The following AGK variants were observed in gnomAD, a reference collection of about 807,000 sequenced individuals.
AGK encodes the protein acylglycerol kinase, mitochondrial.
Under a neutral mutation model 66.4 loss-of-function variants are expected in AGK, and 52 were observed. The observed-to-expected ratio is 0.78, with a 90% confidence interval of 0.63 to 0.99. AGK has a LOEUF of 0.99. Ranked by LOEUF, AGK falls within the 50% of genes least tolerant of loss-of-function variation. AGK has a pLI of 0.00. For synonymous variants in AGK, 182 were observed against 181.1 expected (o/e 1.00, Z -0.04); for missense variants, 451 against 506.6 (o/e 0.89, Z 1.05).
At chr7:141,592,767 G>A (rs1796149548) in intron 2 of AGK, among the ~76,000 whole-genome samples, 1 of 152,016 alleles carries the variant, frequency 6.6e-6, no homozygotes, top group Non-Finnish European at 1.5e-5. Context: ...GCAATGGCAT[G>A]ATCTCAGCTC....
intron 2 of AGK, among the ~76,000 whole-genome samples, chr7:141,585,289 G>A (rs1351624153): frequency 2.6e-5 from 4 of 152,180 alleles, no homozygotes; most frequent in Non-Finnish European, 5.9e-5. Context: ...TGGGTAGGGA[G>A]TCCGGGAAAT....
chr7:141,630,978 T>C (rs761622605), intron 9 of AGK, among the ~76,000 whole-genome samples: 9 of 152,136 alleles, frequency 5.9e-5, no homozygotes, highest in Non-Finnish European at 1.3e-4. Flanking sequence ...GCACCATGCT[T>C]GGCTGAGTAG....
rs1212667452 is a variant in AGK, at chr7:141,598,313, T to C, written c.221+1672T>C. Among the ~76,000 whole-genome samples the C allele has an allele frequency of 2.0e-5, 3 of 152,166 alleles. No homozygotes were observed. Among genetic ancestry groups the C allele is most frequent in the Admixed American group, 1.3e-4 (2 of 15,272 alleles). On this transcript the variant is annotated intron_variant, in intron 4 of 15. Coordinates refer to ENST00000649286, the MANE Select transcript of AGK (RefSeq NM_018238.4). The surrounding 1 kb of genome is among the most constrained non-coding windows in gnomAD (Gnocchi z 4.2). ...TTTGTTTAATATCAATACTAAATCA[T>C]GCCAACAAATCAACAAGCCCTAATA...
At chr7:141,589,447 C>A (rs1796060859) in intron 2 of AGK, among the ~76,000 whole-genome samples, 1 of 152,192 alleles carries the variant, frequency 6.6e-6, no homozygotes, top group African/African-American at 2.4e-5. Flanking sequence ...CAGACTATCT[C>A]AATGGGAGAA....
intron 2 of AGK, among the ~76,000 whole-genome samples, chr7:141,556,287 C>T (rs1471952842): frequency 1.3e-5 from 2 of 152,004 alleles, no homozygotes; most frequent in Non-Finnish European, 2.9e-5. Context: ...TGGCTCATGC[C>T]TGTAACTCCA....
intron 9 of AGK, among the ~76,000 whole-genome samples, chr7:141,622,906 T>C (rs932604588): frequency 6.7e-6 from 1 of 150,142 alleles, no homozygotes; most frequent in Admixed American, 6.6e-5. Context: ...ATACAAAAAT[T>C]AGCTGGGCAT....
At chr7:141,605,360 G>C (rs964526118) in intron 5 of AGK, among the ~76,000 whole-genome samples, 1 of 152,088 alleles carries the variant, frequency 6.6e-6, no homozygotes, top group African/African-American at 2.4e-5. Flanking sequence ...CTGGTTTATA[G>C]TGGGATGTGG....
chr7:141,645,947 A>ATATGAGACATTGG (rs1257689038), intron 13 of AGK, among the ~76,000 whole-genome samples: 1 of 152,200 alleles, frequency 6.6e-6, no homozygotes, highest in Non-Finnish European at 1.5e-5. Context: ...TGAAACAACT[A>ATATGAGACATTGG]TATGAGACAT....
intron 5 of AGK, among the ~76,000 whole-genome samples, chr7:141,604,792 C>T (rs981722955): frequency 1.3e-5 from 2 of 151,908 alleles, no homozygotes; most frequent in African/African-American, 4.8e-5. Flanking sequence ...CCATGTTGGC[C>T]AGGATGGTCT....
chr7:141,635,669 T>C (rs1797154488), intron 10 of AGK, among the ~76,000 whole-genome samples: 1 of 152,170 alleles, frequency 6.6e-6, no homozygotes, highest in Non-Finnish European at 1.5e-5. Flanking sequence ...TCTCTCTTTC[T>C]CTGACTGTTA....
chr7:141,612,503 A>G (rs1796611196), intron 6 of AGK, among the ~76,000 whole-genome samples: 1 of 152,188 alleles, frequency 6.6e-6, no homozygotes. Context: ...CTGCAACACC[A>G]AGAGGGAACC....
intron 2 of AGK, among the ~76,000 whole-genome samples, chr7:141,560,258 G>A (rs1795311039): frequency 6.7e-6 from 1 of 150,046 alleles, no homozygotes; most frequent in Admixed American, 6.6e-5. Flanking sequence ...TTTTCCTTTT[G>A]TTGCCCTCCC....
intron 2 of AGK, 51 bp from the exon 3 acceptor site, chr7:141,593,095 G>A: frequency 1.3e-6 from 2 of 1,523,034 alleles, no homozygotes; most frequent in Non-Finnish European, 1.8e-6. Context: ...ATTTTGTTTG[G>A]ATCATAATCT....
chr7:141,576,253 G>A (rs1310372285), intron 2 of AGK, among the ~76,000 whole-genome samples: 1 of 151,930 alleles, frequency 6.6e-6, no homozygotes, highest in African/African-American at 2.4e-5. Context: ...TCTATAGAAG[G>A]GTGTGATTCA....
rs1445455573 is a variant in AGK at position 141,621,820 on chromosome 7, T to C, written c.588+19T>C. The C allele has an allele frequency of 1.9e-6, 3 of 1,585,726 alleles. No individual in the cohort carries two copies. Among genetic ancestry groups the C allele is most frequent in the Non-Finnish European group, 2.6e-6 (3 of 1,156,388 alleles). ...GATCAAGGTAAATCTTTTCATCACA[T>C]ATTGGAAAAATTGTGAAAGTAATAC... On this transcript the variant is annotated intron_variant, in intron 9 of 15. Coordinates refer to ENST00000649286, the MANE Select transcript of AGK (RefSeq NM_018238.4).
intron 2 of AGK, among the ~76,000 whole-genome samples, chr7:141,569,268 G>A (rs1417334416): frequency 6.6e-6 from 1 of 152,144 alleles, no homozygotes; most frequent in African/African-American, 2.4e-5. Flanking sequence ...GGGCGTGGTG[G>A]CTCACACCTA....
intron 15 of AGK, 113 bp downstream of exon 15, chr7:141,651,722 T>C (rs1380595180): frequency 7.1e-6 from 7 of 990,860 alleles, no homozygotes; most frequent in Admixed American, 1.9e-5. Flanking sequence ...TAGGCACATA[T>C]TGTGTGCCAA....
chr7:141,643,396 G>C (rs547079616), intron 13 of AGK, among the ~76,000 whole-genome samples: 1 of 152,302 alleles, frequency 6.6e-6, no homozygotes, highest in African/African-American at 2.4e-5. Context: ...GTGATTATCA[G>C]TATAAAATTA....
At chr7:141,630,378 A>G (rs1174302971) in intron 9 of AGK, among the ~76,000 whole-genome samples, 2 of 152,122 alleles carry the variant, frequency 1.3e-5, no homozygotes, top group South Asian at 4.2e-4. Context: ...GTTGATAATA[A>G]CGTATATTTA....
Sources: allele counts gnomAD v4.1 joint callset (sites outside exome capture counted in the v4.1 genomes callset), GRCh38; gene constraint gnomAD v4.1.1; non-coding constraint Gnocchi (gnomAD v3.1); transcripts MANE v1.5; gene names NCBI Gene and HGNC (gene_info 2026-07-23, HGNC 2026-07-21).